Variants in SH3D19 observed in about 807,000 individuals in gnomAD.
The protein encoded by SH3D19 is SH3 domain-containing protein 19.
SH3D19 carries 58 observed loss-of-function variants against 112.1 expected under a neutral mutation model. The observed-to-expected ratio is 0.52, with a 90% CI of 0.42 to 0.64. SH3D19 has a LOEUF of 0.64. Ranked by LOEUF, SH3D19 falls within the 30% of genes least tolerant of loss-of-function variation. The probability of loss-of-function intolerance (pLI) is 0.00; values close to 1 mark genes in which losing one functional copy is unlikely to be tolerated. For missense variants in SH3D19, 1,090 were observed against 1,263.4 expected, an observed-to-expected ratio of 0.86 and a Z score of 2.08; for synonymous variants, 391 against 448.5, an observed-to-expected ratio of 0.87 and a Z score of 1.62.
At chr4:151,150,228 T>TAC (rs1227863765) in intron 9 of SH3D19, among the ~76,000 whole-genome samples, 17 of 47,314 alleles carry the variant, frequency 3.6e-4, no homozygotes, top group African/African-American at 7.6e-4. Flanking sequence ...TATATATATA[T>TAC]ACACACACAC....
chr4:151,254,863 G>T (rs1479840644), intron 1 of SH3D19, among the ~76,000 whole-genome samples: 1 of 152,030 alleles, frequency 6.6e-6, no homozygotes, highest in Middle Eastern at 3.4e-3. Context: ...GGTGGTGGCC[G>T]GGCAGAGGGC....
chr4:151,265,368 A>G (rs1286355030), intron 1 of SH3D19, among the ~76,000 whole-genome samples: 1 of 151,574 alleles, frequency 6.6e-6, no homozygotes, highest in African/African-American at 2.4e-5. Flanking sequence ...AAAAAAAAAA[A>G]GAGGATAGAA....
chr4:151,269,324 T>G (rs1052146374), intron 1 of SH3D19, among the ~76,000 whole-genome samples: 3 of 152,182 alleles, frequency 2.0e-5, no homozygotes, highest in African/African-American at 7.2e-5. Flanking sequence ...TTGAGTTCAT[T>G]GTAGATTCTG....
At chr4:151,144,176 A>ATT in intron 11 of SH3D19, 126 bp from the exon 12 acceptor site, 3 of 1,465,834 alleles carry the variant, frequency 2.0e-6, no homozygotes, top group African/African-American at 1.4e-5. Context: ...GAGGCCAGTA[A>ATT]TTTTTTTTTT....
chr4:151,296,225 C>T (rs1478783371), intron 1 of SH3D19, among the ~76,000 whole-genome samples: 1 of 151,964 alleles, frequency 6.6e-6, no homozygotes, highest in Non-Finnish European at 1.5e-5. Context: ...CAAATAATTC[C>T]TCATTTGTAA....
chr4:151,275,678 C>T (rs889465408), intron 1 of SH3D19, among the ~76,000 whole-genome samples: 2 of 151,078 alleles, frequency 1.3e-5, no homozygotes, highest in African/African-American at 4.9e-5. Flanking sequence ...CACATCACTA[C>T]ACCAGGCTAA....
intron 1 of SH3D19, among the ~76,000 whole-genome samples, chr4:151,307,396 C>T (rs1489859815): frequency 1.3e-5 from 2 of 152,184 alleles, no homozygotes; most frequent in East Asian, 1.9e-4. Context: ...GCCAAATATC[C>T]AAATCTACAT....
At chr4:151,202,686 C>A (rs949971671) in intron 2 of SH3D19, among the ~76,000 whole-genome samples, 15 of 152,104 alleles carry the variant, frequency 9.9e-5, no homozygotes, top group African/African-American at 3.6e-4. Flanking sequence ...GGTAGGTAGG[C>A]AGACAGACAG....
At chr4:151,263,328 CACTT>C (rs1010956068) in intron 1 of SH3D19, among the ~76,000 whole-genome samples, 41 of 152,268 alleles carry the variant, frequency 2.7e-4, no homozygotes, top group Middle Eastern at 3.4e-3. Flanking sequence ...GTTAGTTTGC[CACTT>C]ACTTAATCCA....
Position 151,226,027 on chromosome 4 carries a change from T to C in SH3D19, c.152+20A>G. On this transcript the variant is annotated intron_variant, in intron 2 of 19. Transcript: ENST00000604030. ...AATAAGAAGCTTTATACAGAATTATTAGATACTGTAAATTCATACCTTGAA... is the reference window on the plus strand; with the variant it reads ...AATAAGAAGCTTTATACAGAATTATCAGATACTGTAAATTCATACCTTGAA... 8.2e-7 allele frequency: 1 copy of C among 1,225,058 alleles called. No individual in the cohort carries two copies. 75.9% of individuals were successfully genotyped at this position (1,225,058 alleles called of 1,614,324 possible). A position where few individuals can be genotyped will look rare whatever the true frequency, so the allele number is the denominator to read the frequency against.
intron 3 of SH3D19, among the ~76,000 whole-genome samples, chr4:151,180,398 G>A (rs1011558171): frequency 7.0e-6 from 1 of 142,214 alleles, no homozygotes; most frequent in African/African-American, 2.5e-5. Context: ...CACATATGGG[G>A]TCATTTTTTT....
At chr4:151,230,923 T>C (rs895156699) in intron 1 of SH3D19, among the ~76,000 whole-genome samples, 2 of 152,132 alleles carry the variant, frequency 1.3e-5, no homozygotes, top group Non-Finnish European at 2.9e-5. Context: ...AAAATCTCTT[T>C]AGCAGATGCA....
At chr4:151,290,232 A>T (rs1775195198) in intron 1 of SH3D19, among the ~76,000 whole-genome samples, 1 of 152,220 alleles carries the variant, frequency 6.6e-6, no homozygotes, top group Admixed American at 6.5e-5. Flanking sequence ...GACACGAACC[A>T]TCATGCTGGG....
intron 2 of SH3D19, among the ~76,000 whole-genome samples, chr4:151,221,269 A>G (rs1482988473): frequency 6.6e-6 from 1 of 152,248 alleles, no homozygotes; most frequent in Non-Finnish European, 1.5e-5. Context: ...GGAGCCCATC[A>G]TTCTTGTTGC....
At chr4:151,173,392 T>C (rs75715047) in intron 7 of SH3D19, among the ~76,000 whole-genome samples, 8,892 of 152,282 alleles carry the variant, frequency 0.058, 404 homozygotes, top group East Asian at 0.19. Flanking sequence ...ATAAAAACAC[T>C]AAGTTTGAAT....
intron 1 of SH3D19, among the ~76,000 whole-genome samples, chr4:151,232,934 CCTCTG>C (rs1769727969): frequency 6.6e-6 from 1 of 152,194 alleles, no homozygotes; most frequent in Non-Finnish European, 1.5e-5. Context: ...GTCCCCAACC[CCTCTG>C]CCATGGACCA....
intron 1 of SH3D19, chr4:151,300,399 A>G (rs1396218415): frequency 6.6e-6 from 1 of 152,168 alleles, no homozygotes; most frequent in Non-Finnish European, 1.5e-5. Context: ...TTCATAAAAT[A>G]TGCTCTAGGG....
intron 7 of SH3D19, among the ~76,000 whole-genome samples, chr4:151,169,758 G>A (rs1051490155): frequency 6.6e-6 from 1 of 152,104 alleles, no homozygotes; most frequent in African/African-American, 2.4e-5. Context: ...GTAGTCCCAC[G>A]TTCAGAAATT....
intron 11 of SH3D19, chr4:151,144,254 A>G (rs1434785954): frequency 1.2e-6 from 2 of 1,614,014 alleles, no homozygotes; most frequent in East Asian, 2.2e-5. Context: ...TTGAGAGACA[A>G]TATCTTCATT....
Sources: allele counts gnomAD v4.1 joint callset (sites outside exome capture counted in the v4.1 genomes callset), GRCh38; gene constraint gnomAD v4.1.1; transcripts MANE v1.5; gene names NCBI Gene and HGNC (gene_info 2026-07-23, HGNC 2026-07-21).